Variants in AGTPBP1 observed in about 807,000 individuals in gnomAD.
AGTPBP1 encodes cytosolic carboxypeptidase 1.
A neutral mutation model predicts 143.9 loss-of-function variants in AGTPBP1; 70 were observed. The observed-to-expected ratio is 0.49, with a 90% confidence interval of 0.40 to 0.59. The LOEUF (loss-of-function observed/expected upper bound fraction) is 0.59, where lower values mean the gene tolerates loss of function less well. Among genes scored for constraint, AGTPBP1 ranks in the 20% least tolerant of loss-of-function variants. The pLI is 0.00. For missense variants in AGTPBP1, 1,229 were observed against 1,464.5 expected (o/e 0.84, Z 2.62); for synonymous variants, 463 against 500.2 (o/e 0.93, Z 0.99).
chr9:85,723,306 C>A (rs1474836431), intron 1 of AGTPBP1, among the ~76,000 whole-genome samples: 1 of 152,196 alleles, frequency 6.6e-6, no homozygotes, highest in Non-Finnish European at 1.5e-5. Flanking sequence ...GGCAGTAGGC[C>A]TTGCTGAGCT....
the AGTPBP1 span, among the ~76,000 whole-genome samples, chr9:85,799,456 G>A: frequency 9.2e-5 from 14 of 152,256 alleles, no homozygotes; most frequent in Admixed American, 7.8e-4. Flanking sequence ...AGGATCATTT[G>A]AGGCCAGGAG....
At chr9:85,563,306 C>T (rs1239573515) in intron 25 of AGTPBP1, among the ~76,000 whole-genome samples, 1 of 152,072 alleles carries the variant, frequency 6.6e-6, no homozygotes, top group Non-Finnish European at 1.5e-5. Context: ...CTGTGAATGG[C>T]CCATAAAGAG....
chr9:85,604,757 CTA>C (rs1037882757), intron 17 of AGTPBP1, among the ~76,000 whole-genome samples: 1 of 152,026 alleles, frequency 6.6e-6, no homozygotes, highest in Non-Finnish European at 1.5e-5. Context: ...TTTCAGAATC[CTA>C]TGAGATGCAT....
rs746015048 is a variant in AGTPBP1 at position 85,632,919 on chromosome 9, T to C, written c.1758A>G (p.Thr586=). ...TGCAGCAAAGCTTCCCTAGCTGAAC[T>C]GTTCTTCCCTCAAACAGAACATTTC... is the stretch of plus-strand genomic sequence containing the variant. The part of the protein sequence containing the change: ...TCGNVLFEGR[T]VQLGKLCCTG... Residue 586 remains threonine, a synonymous_variant, in exon 14 of 26, where the codon ACA becomes ACG. Transcript: ENST00000357081. The C allele has an allele frequency of 5.6e-6, 9 of 1,614,060 alleles. No individual in the cohort carries two copies. In the African/African-American group the frequency reaches 8.0e-5, roughly 14 times the overall value.
chr9:85,612,761 T>C (rs1410042685), intron 17 of AGTPBP1, among the ~76,000 whole-genome samples: 3 of 151,846 alleles, frequency 2.0e-5, no homozygotes, highest in Non-Finnish European at 4.4e-5. Context: ...AACTGAATTG[T>C]AGGAAGGACA....
intron 25 of AGTPBP1, among the ~76,000 whole-genome samples, chr9:85,549,225 A>G (rs1274349237): frequency 1.3e-5 from 2 of 152,218 alleles, no homozygotes; most frequent in Non-Finnish European, 2.9e-5. Context: ...CAAGGAAGAG[A>G]CAGATACTAA....
chr9:85,667,522 T>C (rs1834199253), intron 8 of AGTPBP1, among the ~76,000 whole-genome samples: 1 of 152,114 alleles, frequency 6.6e-6, no homozygotes, highest in Non-Finnish European at 1.5e-5. Context: ...AATCACTAAG[T>C]GAAAAGTGGA....
chr9:85,714,225 C>A (rs896482043), intron 1 of AGTPBP1, among the ~76,000 whole-genome samples: 20 of 152,220 alleles, frequency 1.3e-4, no homozygotes, highest in African/African-American at 4.8e-4. Context: ...CCTCTCAAGT[C>A]CTCTGGCGTT....
chr9:85,764,734 A>G, the AGTPBP1 span: 27 of 1,259,396 alleles, frequency 2.1e-5, no homozygotes, highest in Non-Finnish European at 3.0e-5. Context: ...GTTTGAAAGT[A>G]TCAACTCGCC....
chr9:85,714,097 A>G (rs1405908192), intron 1 of AGTPBP1, among the ~76,000 whole-genome samples: 1 of 152,240 alleles, frequency 6.6e-6, no homozygotes, highest in African/African-American at 2.4e-5. Context: ...AGCCAACTGT[A>G]TTTCAACAGA....
intron 11 of AGTPBP1, among the ~76,000 whole-genome samples, chr9:85,647,882 A>G (rs1832913645): frequency 1.3e-5 from 2 of 152,248 alleles, no homozygotes; most frequent in Admixed American, 6.5e-5. Flanking sequence ...TTAAAAAATG[A>G]AGGATGTAAC....
At chr9:85,606,600 C>T (rs1830003978) in intron 17 of AGTPBP1, among the ~76,000 whole-genome samples, 1 of 151,972 alleles carries the variant, frequency 6.6e-6, no homozygotes, top group Non-Finnish European at 1.5e-5. Context: ...GATACCTACA[C>T]CCACCCCATG....
intron 2 of AGTPBP1, among the ~76,000 whole-genome samples, chr9:85,696,916 T>C (rs1836284874): frequency 6.6e-6 from 1 of 152,244 alleles, no homozygotes; most frequent in African/African-American, 2.4e-5. Flanking sequence ...AATATCTATT[T>C]CAATTTGAAT....
intron 1 of AGTPBP1, among the ~76,000 whole-genome samples, chr9:85,716,465 ACCTTC>A (rs1837712421): frequency 6.6e-6 from 1 of 152,252 alleles, no homozygotes; most frequent in South Asian, 2.1e-4. Context: ...AACGGATCTG[ACCTTC>A]CCTTCCAAGT....
chr9:85,773,048 G>A, the AGTPBP1 span, among the ~76,000 whole-genome samples: 28 of 151,788 alleles, frequency 1.8e-4, no homozygotes, highest in Non-Finnish European at 4.4e-5. Flanking sequence ...GGCAGATCAC[G>A]AGGTCAGGAG....
At chr9:85,617,333 A>C (rs79830543) in intron 17 of AGTPBP1, among the ~76,000 whole-genome samples, 1 of 152,094 alleles carries the variant, frequency 6.6e-6, no homozygotes, top group African/African-American at 2.4e-5. Flanking sequence ...CTTGTCACAC[A>C]TATGTTTCTT....
intron 23 of AGTPBP1, 111 bp from the exon 24 acceptor site, chr9:85,579,207 G>A: frequency 1.8e-6 from 2 of 1,082,454 alleles, no homozygotes; most frequent in African/African-American, 1.6e-5. Flanking sequence ...AAGCCATGTG[G>A]ATGTTCTATT....
At chr9:85,751,386 A>G in the AGTPBP1 span, among the ~76,000 whole-genome samples, 14 of 152,366 alleles carry the variant, frequency 9.2e-5, no homozygotes, top group East Asian at 2.1e-3. Flanking sequence ...ATATACAAAT[A>G]AAAGTCCATT....
In AGTPBP1 at chr9:85,588,465, G is replaced by A. The variant is rs758303138; in HGVS notation, c.2736C>T (p.Tyr912=). Residue 912 remains tyrosine, a synonymous_variant, in exon 21 of 26, where the codon TAC becomes TAT. Transcript: ENST00000357081. The part of the protein sequence containing the change: ...EHICHFRNRP[Y]VFLSARVHPG... Reference sequence around the variant, plus strand: ...GATGTACCCGAGCAGACAAGAAAACGTAAGGGCGATTTCCTAAAGTACACA... The same window carrying A: ...GATGTACCCGAGCAGACAAGAAAACATAAGGGCGATTTCCTAAAGTACACA... 22 of 1,610,658 alleles carry A rather than the reference G, an allele frequency of 1.4e-5. No individual in the cohort carries two copies. Among genetic ancestry groups the A allele is most frequent in the Admixed American group, 6.8e-5 (4 of 59,122 alleles).
Sources: allele counts gnomAD v4.1 joint callset (sites outside exome capture counted in the v4.1 genomes callset), GRCh38; gene constraint gnomAD v4.1.1; transcripts MANE v1.5; gene names NCBI Gene and HGNC (gene_info 2026-07-23, HGNC 2026-07-21).